The following RGS6 variants were observed in gnomAD, a reference collection of about 807,000 sequenced individuals.
The protein encoded by RGS6 is regulator of G-protein signaling 6.
A neutral mutation model predicts 78.5 loss-of-function variants in RGS6; 30 were observed. The ratio of observed to expected loss-of-function variants is 0.38; its 90% CI spans 0.29 to 0.52. The LOEUF (loss-of-function observed/expected upper bound fraction) is 0.52. Ranked by LOEUF, RGS6 falls within the 20% of genes least tolerant of loss-of-function variation. RGS6 has a pLI of 0.85. For synonymous variants in RGS6, 206 were observed against 206.0 expected (o/e 1.00, Z 0.00); for missense variants, 495 against 609.7 (o/e 0.81, Z 1.98).
In RGS6 at chr14:72,175,353, T is replaced by C. The variant is rs571301014; in HGVS notation, c.85-176742T>C. Among the ~76,000 whole-genome samples, 15 of 152,346 alleles carry C rather than the reference T, an allele frequency of 9.8e-5. No homozygotes were observed. The East Asian group carries it at 2.9e-3, about 29-fold the overall frequency. ...TGTGACTTTTAGAATGTTCAGTTAG[T>C]GATACTAACGTTTCATAGCCTGTAC... On this transcript the variant is annotated intron_variant, in intron 2 of 17. Coordinates refer to ENST00000553525, the MANE Select transcript of RGS6 (RefSeq NM_001204424.2).
chr14:72,495,260 G>T lies in RGS6; in HGVS notation c.963G>T (p.Met321Ile), dbSNP rs755501563. The change falls in exon 13 of 18, where the codon ATG becomes ATT. Residue 321 changes from methionine to isoleucine, a missense_variant and splice_region_variant. By Grantham distance (10) the Met-to-Ile change is conservative (BLOSUM62 1). Coordinates refer to ENST00000553525, the MANE Select transcript of RGS6 (RefSeq NM_001204424.2). ...SDDVALWDIEMSKEPSQQRVK... is the reference protein window; with the variant it reads ...SDDVALWDIEISKEPSQQRVK... The stretch of plus-strand genomic sequence containing the variant: ...ACGTTGCTTTGTGGGACATAGAGAT[G>T]AGGTAAAAAATGTTTTAAGGTTTGG... The T allele has an allele frequency of 6.2e-7, 1 of 1,600,838 alleles. No homozygotes were observed. Among genetic ancestry groups the T allele is most frequent in the Non-Finnish European group, 8.6e-7 (1 of 1,167,940 alleles).
intron 3 of RGS6, among the ~76,000 whole-genome samples, chr14:72,445,784 G>A (rs2095348931): frequency 6.6e-6 from 1 of 152,200 alleles, no homozygotes; most frequent in African/African-American, 2.4e-5. Flanking sequence ...CTCTCTTGGA[G>A]CTACAGTTTA....
rs78714613 is a variant in RGS6, at chr14:72,434,753, C to A, written c.185-19775C>A. 7.4e-3 allele frequency among the ~76,000 whole-genome samples: 1,132 copies of A among 152,262 alleles called. 11 individuals carry two copies. Among genetic ancestry groups the A allele is most frequent in the African/African-American group, 0.025 (1,021 of 41,548 alleles). ...TGAATAGTAAAACCCTCCTGAAATC[C>A]ATTAAATTCATATGTTTATTTACTC... is the stretch of plus-strand genomic sequence containing the variant. On this transcript the variant is annotated intron_variant, in intron 3 of 17. Coordinates refer to ENST00000553525, the MANE Select transcript of RGS6 (RefSeq NM_001204424.2).
chr14:72,409,380 G>T (rs142886891), intron 3 of RGS6, among the ~76,000 whole-genome samples: 8 of 152,216 alleles, frequency 5.3e-5, no homozygotes, highest in Non-Finnish European at 1.0e-4. Context: ...CCTAGTTAGA[G>T]GTTAGTTGGA....
intron 2 of RGS6, among the ~76,000 whole-genome samples, chr14:72,038,803 G>A (rs948106239): frequency 2.0e-5 from 3 of 152,152 alleles, no homozygotes; most frequent in Non-Finnish European, 4.4e-5. Flanking sequence ...TAGGAGGTTT[G>A]TATGTATGCT....
chr14:72,206,385 C>CA (rs1290656743), intron 2 of RGS6, among the ~76,000 whole-genome samples: 2 of 151,968 alleles, frequency 1.3e-5, no homozygotes, highest in Non-Finnish European at 2.9e-5. Context: ...AGTCGTAGAG[C>CA]AATATTTTAA....
At position 72,052,963 on chromosome 14, in the gene RGS6, TTCTTTCTTTCTTTCTTTCTTTCTCTC is replaced by T. The variant is rs1242498794; in HGVS notation, c.84+88092_84+88117del. ...TTTCTTTCTTTCTTTCTTTCTTTCT[TTCTTTCTTTCTTTCTTTCTTTCTCTC>T]TCTCTCTCTCTCTCTCTTTCTTTCC... On this transcript the variant is annotated intron_variant, in intron 2 of 17. Transcript: ENST00000553525. Among the ~76,000 whole-genome samples the T allele has an allele frequency of 1.3e-3, 58 of 43,682 alleles. 2 individuals carry two copies. The highest frequency in any genetic ancestry group is 0.022 in the Middle Eastern group (2 of 90). The allele number at this position is 43,682 out of a possible 152,430, so 28.7% of individuals were successfully genotyped here.
At chr14:72,370,164 A>T (rs183974316) in intron 3 of RGS6, among the ~76,000 whole-genome samples, 3 of 151,814 alleles carry the variant, frequency 2.0e-5, no homozygotes, top group African/African-American at 7.3e-5. Flanking sequence ...AAAAAAAAAA[A>T]TTCACTTGAT....
rs576279610 is a variant in RGS6, at chr14:72,402,247, C to G, written c.184+50053C>G. 3.9e-5 allele frequency among the ~76,000 whole-genome samples: 6 copies of G among 152,282 alleles called. No individual in the cohort carries two copies. In the South Asian group the frequency reaches 1.2e-3, roughly 32 times the overall value. On this transcript the variant is annotated intron_variant, in intron 3 of 17. Transcript: ENST00000553525. ...CAGAAAGGTAGTGTTTCTGGAGGAACAAATAGAAGATATCCAGCAGTAAGG... is the reference window on the plus strand; with the variant it reads ...CAGAAAGGTAGTGTTTCTGGAGGAAGAAATAGAAGATATCCAGCAGTAAGG...
intron 7 of RGS6, chr14:72,469,685 G>A (rs1166894421): frequency 4.7e-6 from 1 of 211,176 alleles, no homozygotes; most frequent in East Asian, 1.2e-4. Context: ...AATAACCACA[G>A]ACAATTTTCC....
chr14:72,473,777 G>A (rs1202554729), intron 9 of RGS6: 1 of 152,036 alleles, frequency 6.6e-6, no homozygotes, highest in Admixed American at 6.5e-5. Flanking sequence ...CCTTTTAAAT[G>A]TGTTTCTGTA....
At chr14:71,983,449 T>A (rs769685760) in intron 2 of RGS6, among the ~76,000 whole-genome samples, 2 of 152,206 alleles carry the variant, frequency 1.3e-5, no homozygotes, top group Non-Finnish European at 2.9e-5. Context: ...AAACTATGGC[T>A]TAAGACAACA....
chr14:72,326,578 T>C (rs2073818696), intron 2 of RGS6, among the ~76,000 whole-genome samples: 1 of 152,196 alleles, frequency 6.6e-6, no homozygotes. Context: ...CCCGTTTGCC[T>C]TCTGCGGTGA....
At chr14:72,073,224 G>A (rs2094467564) in intron 2 of RGS6, among the ~76,000 whole-genome samples, 1 of 152,202 alleles carries the variant, frequency 6.6e-6, no homozygotes, top group Non-Finnish European at 1.5e-5. Flanking sequence ...GGTACAGTAA[G>A]TCCTTATTTA....
the RGS6 span, among the ~76,000 whole-genome samples, chr14:72,611,079 G>A: frequency 6.6e-6 from 1 of 152,142 alleles, no homozygotes; most frequent in African/African-American, 2.4e-5. Flanking sequence ...GGAGTCATGT[G>A]CCATCCAGGG....
intron 17 of RGS6, chr14:72,541,506 ATCTT>A (rs1184613116): frequency 2.6e-6 from 4 of 1,535,580 alleles, no homozygotes; most frequent in Non-Finnish European, 3.5e-6. Context: ...TGCCTGGTCT[ATCTT>A]CATGGCTGCT....
chr14:72,319,518 A>T (rs1390928222), intron 2 of RGS6, among the ~76,000 whole-genome samples: 2 of 151,978 alleles, frequency 1.3e-5, no homozygotes, highest in Non-Finnish European at 2.9e-5. Flanking sequence ...TGCCCGGCTA[A>T]TTTTTTTGTA....
chr14:72,515,929 G>A (rs1353859192), intron 14 of RGS6: 1 of 152,362 alleles, frequency 6.6e-6, no homozygotes, highest in Non-Finnish European at 1.5e-5. Context: ...TCACCCAGGT[G>A]TCATCCATTT....
At chr14:72,177,333 AG>A (rs2097119441) in intron 2 of RGS6, among the ~76,000 whole-genome samples, 1 of 152,150 alleles carries the variant, frequency 6.6e-6, no homozygotes, top group South Asian at 2.1e-4. Context: ...CCCATGACAA[AG>A]GTAGTAAACA....
Sources: gnomAD v4.1 joint callset for allele counts (sites outside exome capture counted in the v4.1 genomes callset) on GRCh38, gnomAD v4.1.1 for gene constraint, MANE v1.5 for transcripts, NCBI Gene and HGNC (gene_info 2026-07-23, HGNC 2026-07-21) for gene names.